UGP2: variants seen among roughly 807,000 people sequenced by gnomAD.
The protein encoded by UGP2 is UTP--glucose-1-phosphate uridylyltransferase.
A neutral mutation model predicts 49.0 loss-of-function variants in UGP2; 40 were observed. The observed-to-expected ratio is 0.82, with a 90% confidence interval of 0.63 to 1.06. The LOEUF (loss-of-function observed/expected upper bound fraction) is 1.06, where lower values mean the gene tolerates loss of function less well. Ranked by LOEUF, UGP2 falls within the 50% of genes least tolerant of loss-of-function variation. The probability of loss-of-function intolerance (pLI) is 0.00; values close to 1 mark genes in which losing one functional copy is unlikely to be tolerated. For missense variants in UGP2, 460 were observed against 603.5 expected, an observed-to-expected ratio of 0.76 and a Z score of 2.49; for synonymous variants, 225 against 213.0, an observed-to-expected ratio of 1.06 and a Z score of -0.49.
intron 9 of UGP2, among the ~76,000 whole-genome samples, chr2:63,890,577 A>G (rs1672049080): frequency 6.6e-6 from 1 of 152,174 alleles, no homozygotes; most frequent in African/African-American, 2.4e-5. Flanking sequence ...CTTTTTCCAA[A>G]TCATGTAATT....
At chr2:63,868,977 A>C (rs1670366163) in intron 3 of UGP2, among the ~76,000 whole-genome samples, 1 of 152,124 alleles carries the variant, frequency 6.6e-6, no homozygotes, top group Non-Finnish European at 1.5e-5. Context: ...AAAAAAAAAA[A>C]AGAAAGTATA....
intron 3 of UGP2, among the ~76,000 whole-genome samples, chr2:63,868,709 A>T (rs1217281249): frequency 6.6e-6 from 1 of 152,104 alleles, no homozygotes; most frequent in Non-Finnish European, 1.5e-5. Context: ...CACACCTGTA[A>T]TCCCAGCACT....
chr2:63,889,267 A>C (rs984613773), intron 8 of UGP2: 2 of 152,132 alleles, frequency 1.3e-5, no homozygotes, highest in African/African-American at 4.8e-5. Context: ...AAATGGGGCT[A>C]TAGGTAGAAA....
intron 1 of UGP2, among the ~76,000 whole-genome samples, chr2:63,843,181 A>C (rs1296541894): frequency 6.6e-6 from 1 of 152,220 alleles, no homozygotes; most frequent in East Asian, 1.9e-4. Flanking sequence ...ACTGAGTTCT[A>C]CATCGCTTTA....
intron 3 of UGP2, among the ~76,000 whole-genome samples, chr2:63,877,030 T>C (rs1670950504): frequency 6.6e-6 from 1 of 152,252 alleles, no homozygotes; most frequent in Non-Finnish European, 1.5e-5. Context: ...ATCACCATCA[T>C]AGAATAAGTT....
At chr2:63,884,882 G>A (rs1041289487) in intron 5 of UGP2, among the ~76,000 whole-genome samples, 24 of 150,952 alleles carry the variant, frequency 1.6e-4, no homozygotes, top group African/African-American at 5.9e-4. Context: ...AGGCAACAGA[G>A]CAAGACCCTA....
intron 3 of UGP2, among the ~76,000 whole-genome samples, chr2:63,861,968 G>A (rs1669881281): frequency 6.6e-6 from 1 of 152,072 alleles, no homozygotes; most frequent in Admixed American, 6.6e-5. Flanking sequence ...GTTTATGTGT[G>A]CAGAGTACAG....
At chr2:63,846,262 T>TG (rs1282978633) in intron 1 of UGP2, 1 of 152,088 alleles carries the variant, frequency 6.6e-6, no homozygotes, top group African/African-American at 2.4e-5. Flanking sequence ...TCAGCAGCTG[T>TG]GGGTTTTTGT....
At position 63,842,023 on chromosome 2, in the gene UGP2, C is replaced by A; in HGVS notation, c.-163C>A. The A allele has an allele frequency of 1.3e-6, 1 of 760,842 alleles. No individual in the cohort carries two copies. The highest frequency in any genetic ancestry group is 1.9e-6 in the Non-Finnish European group (1 of 529,992). 47.1% of individuals were successfully genotyped at this position (760,842 alleles called of 1,614,324 possible). ...TTTCTTTCTTTTCTTTTTTCTTGAG[C>A]CAGTTTTAATCGCTTTGAATAAATA... is the stretch of plus-strand genomic sequence containing the variant. On this transcript the variant is annotated 5_prime_UTR_variant, in exon 1 of 10. Coordinates refer to ENST00000337130, the MANE Select transcript of UGP2 (RefSeq NM_006759.4).
intron 8 of UGP2, chr2:63,889,829 G>GA (rs977140653): frequency 2.9e-4 from 79 of 275,658 alleles, no homozygotes; most frequent in East Asian, 2.6e-3. Context: ...AAAAAAAAAA[G>GA]AAAAAAAACC....
intron 3 of UGP2, among the ~76,000 whole-genome samples, chr2:63,859,887 A>T (rs1669716059): frequency 6.6e-6 from 1 of 152,218 alleles, no homozygotes; most frequent in Non-Finnish European, 1.5e-5. Flanking sequence ...CAACTACGTC[A>T]TGAGTTTCTT....
chr2:63,891,057 C>A, intron 9 of UGP2, 63 bp from the exon 10 acceptor site: 2 of 1,412,684 alleles, frequency 1.4e-6, no homozygotes, highest in Non-Finnish European at 9.9e-7. Context: ...AACTTGATCA[C>A]TGTAAGATAA....
At chr2:63,875,444 T>A (rs1670846897) in intron 3 of UGP2, among the ~76,000 whole-genome samples, 2 of 152,212 alleles carry the variant, frequency 1.3e-5, no homozygotes, top group South Asian at 2.1e-4. Context: ...ATGGGAACAG[T>A]GTGTCTATGA....
chr2:63,891,458 GT>G lies in UGP2; in HGVS notation c.*234del. 1 of 330,844 alleles carries G rather than the reference GT, an allele frequency of 3.0e-6. No homozygotes were observed. The highest frequency in any genetic ancestry group is 5.2e-5 in the East Asian group (1 of 19,164). The allele number at this position is 330,844 out of a possible 1,614,324, so 20.5% of individuals were successfully genotyped here. ...TTAGTTCATCTTAAAGTGCAATATT[GT>G]TTAATCTTAAAACTGGGCAACTTTG... is the stretch of plus-strand genomic sequence containing the variant. On this transcript the variant is annotated 3_prime_UTR_variant, in exon 10 of 10. Coordinates refer to ENST00000337130, the MANE Select transcript of UGP2 (RefSeq NM_006759.4).
At chr2:63,858,453 C>T (rs998046259) in intron 3 of UGP2, among the ~76,000 whole-genome samples, 2 of 151,484 alleles carry the variant, frequency 1.3e-5, no homozygotes, top group Non-Finnish European at 2.9e-5. Flanking sequence ...GTTAGAGGTA[C>T]GTTTATTTGC....
At chr2:63,886,043 G>T (rs1671647340) in intron 6 of UGP2, among the ~76,000 whole-genome samples, 157 bp downstream of exon 6, 1 of 152,046 alleles carries the variant, frequency 6.6e-6, no homozygotes, top group Admixed American at 6.5e-5. Context: ...ATAATAAATA[G>T]TATCAAAATC....
chr2:63,860,832 G>C (rs1462631878), intron 3 of UGP2, among the ~76,000 whole-genome samples: 1 of 137,196 alleles, frequency 7.3e-6, no homozygotes, highest in Non-Finnish European at 1.5e-5. Flanking sequence ...TTAAAGTCCT[G>C]GCCTCAAGTG....
intron 3 of UGP2, among the ~76,000 whole-genome samples, chr2:63,868,622 T>G (rs1305893347): frequency 2.0e-5 from 3 of 152,212 alleles, no homozygotes; most frequent in Non-Finnish European, 2.9e-5. Context: ...CTTCAGAGGA[T>G]ATGCACTTTT....
At chr2:63,863,348 G>T (rs1387967050) in intron 3 of UGP2, among the ~76,000 whole-genome samples, 2 of 151,896 alleles carry the variant, frequency 1.3e-5, no homozygotes, top group African/African-American at 4.8e-5. Context: ...CTTATTTCTT[G>T]TTTTTTTCAT....
Sources: gnomAD v4.1 joint callset for allele counts (sites outside exome capture counted in the v4.1 genomes callset) on GRCh38, gnomAD v4.1.1 for gene constraint, MANE v1.5 for transcripts, NCBI Gene and HGNC (gene_info 2026-07-23, HGNC 2026-07-21) for gene names.